COL26A1: variants seen among roughly 807,000 people sequenced by gnomAD.
COL26A1 encodes collagen type XXVI alpha 1 chain, also known as collagen alpha-1(XXVI) chain.
Under a neutral mutation model 59.3 loss-of-function variants are expected in COL26A1, and 41 were observed. The observed-to-expected ratio is 0.69, with a 90% CI of 0.54 to 0.90. COL26A1 has a LOEUF of 0.90. COL26A1 is among the 40% of genes least tolerant of loss of function. COL26A1 has a pLI of 0.00. For synonymous variants in COL26A1, 266 were observed against 256.0 expected, an observed-to-expected ratio of 1.04 and a Z score of -0.37; for missense variants, 612 against 602.3, an observed-to-expected ratio of 1.02 and a Z score of -0.17.
At chr7:101,499,775 G>A (rs1406465043) in intron 3 of COL26A1, among the ~76,000 whole-genome samples, 1 of 151,864 alleles carries the variant, frequency 6.6e-6, no homozygotes, top group East Asian at 1.9e-4. Context: ...TAATCTGGAG[G>A]CTGAGGCAGG....
intron 11 of COL26A1, among the ~76,000 whole-genome samples, chr7:101,554,348 G>A (rs528832234): frequency 9.9e-5 from 15 of 152,176 alleles, no homozygotes; most frequent in African/African-American, 3.4e-4. Flanking sequence ...AATCAAGGCC[G>A]CTGTGAGGGG....
intron 1 of COL26A1, among the ~76,000 whole-genome samples, chr7:101,409,558 C>T (rs879596439): frequency 1.7e-4 from 26 of 152,186 alleles, no homozygotes; most frequent in Non-Finnish European, 3.2e-4. Flanking sequence ...TTTATCTTCT[C>T]ATAGTTCTGG....
intron 3 of COL26A1, among the ~76,000 whole-genome samples, chr7:101,508,215 T>G (rs1168895573): frequency 6.6e-6 from 1 of 152,192 alleles, no homozygotes; most frequent in Admixed American, 6.5e-5. Flanking sequence ...CTCCGTCATG[T>G]AACTGTTACA....
chr7:101,516,359 C>T (rs1795028718), intron 3 of COL26A1, among the ~76,000 whole-genome samples: 1 of 152,024 alleles, frequency 6.6e-6, no homozygotes, highest in African/African-American at 2.4e-5. Flanking sequence ...GCAGCCTTGA[C>T]CTCCTTAGCT....
intron 3 of COL26A1, among the ~76,000 whole-genome samples, chr7:101,506,090 A>G (rs185067073): frequency 0.017 from 2,542 of 152,252 alleles, 37 homozygotes; most frequent in Middle Eastern, 0.044. Flanking sequence ...CCTCTGCCCG[A>G]ATGGGGTCAG....
At chr7:101,454,578 T>C (rs1793425310) in intron 3 of COL26A1, among the ~76,000 whole-genome samples, 1 of 152,110 alleles carries the variant, frequency 6.6e-6, no homozygotes, top group African/African-American at 2.4e-5. Context: ...TTTCAAGGTC[T>C]GTTTAGTACC....
intron 2 of COL26A1, among the ~76,000 whole-genome samples, chr7:101,438,894 G>A (rs1326023707): frequency 1.4e-5 from 2 of 143,702 alleles, no homozygotes; most frequent in Non-Finnish European, 3.2e-5. Context: ...ATGTTTGTCA[G>A]GCTGGTCTCG....
intron 3 of COL26A1, among the ~76,000 whole-genome samples, chr7:101,463,781 C>CTTTCTCTCTCTTTCTT (rs1469542878): frequency 8.9e-6 from 1 of 111,808 alleles, no homozygotes; most frequent in Non-Finnish European, 1.8e-5. Context: ...TTCTTTCTTT[C>CTTTCTCTCTCTTTCTT]TTTCTTCCTT....
At chr7:101,518,445 T>C (rs1795075346) in intron 3 of COL26A1, among the ~76,000 whole-genome samples, 2 of 152,092 alleles carry the variant, frequency 1.3e-5, no homozygotes, top group Non-Finnish European at 2.9e-5. Context: ...TTAAGACAAA[T>C]TCTTTCCCAG....
chr7:101,454,381 T>G (rs7779221), intron 3 of COL26A1, among the ~76,000 whole-genome samples: 1 of 151,218 alleles, frequency 6.6e-6, no homozygotes, highest in Non-Finnish European at 1.5e-5. Flanking sequence ...GCCTCAGCCT[T>G]CCAAGTAGCT....
chr7:101,553,313 A>G lies in COL26A1; in HGVS notation c.1030-13A>G. 6.2e-7 allele frequency: 1 copy of G among 1,613,370 alleles called. No individual in the cohort carries two copies. The highest frequency in any genetic ancestry group is 1.3e-5 in the African/African-American group (1 of 75,020). On this transcript the variant is annotated splice_polypyrimidine_tract_variant and intron_variant, in intron 10 of 12. Coordinates refer to ENST00000313669, the MANE Select transcript of COL26A1 (RefSeq NM_001278563.3). ...CTCCCGTTCCAGTGTTGACTGTGTGACTTGCTTCTTAGGGTGAACCTGGCG... is the reference window on the plus strand; with the variant it reads ...CTCCCGTTCCAGTGTTGACTGTGTGGCTTGCTTCTTAGGGTGAACCTGGCG...
chr7:101,481,105 A>T (rs1488238621), intron 3 of COL26A1, among the ~76,000 whole-genome samples: 1 of 152,042 alleles, frequency 6.6e-6, no homozygotes, highest in East Asian at 1.9e-4. Flanking sequence ...TTATCAGGGG[A>T]GATTTTCTTT....
chr7:101,387,090 G>A lies in COL26A1; in HGVS notation c.158+23900G>A, dbSNP rs907575539. ...TGCAGGATGGATGGGCTCTGGGGGC[G>A]GCCAGGGGTGCCACTGGGAAAGGCA... On this transcript the variant is annotated intron_variant, in intron 1 of 12. Transcript: ENST00000313669. Among the ~76,000 whole-genome samples the A allele has an allele frequency of 2.6e-5, 4 of 152,112 alleles. No homozygotes were observed. In the South Asian group the frequency reaches 6.2e-4, roughly 24 times the overall value.
chr7:101,372,867 C>CGGT (rs1791226459), intron 1 of COL26A1, among the ~76,000 whole-genome samples: 2 of 152,056 alleles, frequency 1.3e-5, no homozygotes, highest in Non-Finnish European at 2.9e-5. Context: ...TGGTGGAACA[C>CGGT]ACCTGTAGTC....
At chr7:101,520,662 AC>A (rs1554340998) in intron 3 of COL26A1, among the ~76,000 whole-genome samples, 3 of 143,240 alleles carry the variant, frequency 2.1e-5, no homozygotes, top group African/African-American at 7.8e-5. Flanking sequence ...ACACACACAC[AC>A]CCCCGTGTTC....
chr7:101,406,989 G>A (rs147650044), intron 1 of COL26A1, among the ~76,000 whole-genome samples: 13 of 152,144 alleles, frequency 8.5e-5, no homozygotes, highest in African/African-American at 1.4e-4. Context: ...TACTTTCCAC[G>A]TTTTCACCTC....
intron 3 of COL26A1, among the ~76,000 whole-genome samples, chr7:101,469,770 G>C (rs898832975): frequency 6.6e-6 from 1 of 151,950 alleles, no homozygotes; most frequent in Non-Finnish European, 1.5e-5. Flanking sequence ...GATTACAGGC[G>C]TGAACCACCG....
chr7:101,456,471 C>T (rs1238726557), intron 3 of COL26A1, among the ~76,000 whole-genome samples: 1 of 151,982 alleles, frequency 6.6e-6, no homozygotes, highest in Non-Finnish European at 1.5e-5. Context: ...TCGAGACCAG[C>T]CTGACCAACA....
chr7:101,539,976 T>C lies in COL26A1; in HGVS notation c.531T>C (p.Asn177=). The change falls in exon 5 of 13, where the codon AAT becomes AAC. Residue 177 remains asparagine (N), a synonymous_variant. Transcript: ENST00000313669. The part of the protein sequence containing the change: ...PAPESTPPTW[N]EDFLPDAIPL... ...CCGAGAGCACTCCGCCGACCTGGAA[T>C]GAGGACTTCCTCCCCGACGCCATCC... 6.2e-7 allele frequency: 1 copy of C among 1,611,414 alleles called. No individual in the cohort carries two copies.
Sources: gnomAD v4.1 joint callset for allele counts (sites outside exome capture counted in the v4.1 genomes callset) on GRCh38, gnomAD v4.1.1 for gene constraint, MANE v1.5 for transcripts, NCBI Gene and HGNC (gene_info 2026-07-23, HGNC 2026-07-21) for gene names.